VAV3: variants seen among roughly 807,000 people sequenced by gnomAD.
VAV3 encodes the protein vav guanine nucleotide exchange factor 3, also known as guanine nucleotide exchange factor VAV3.
Under a neutral mutation model 131.2 loss-of-function variants are expected in VAV3, and 94 were observed. The observed-to-expected ratio is 0.72, with a 90% CI of 0.61 to 0.85. The LOEUF is 0.85. VAV3 is among the 40% of genes least tolerant of loss of function. The pLI, the probability that VAV3 is intolerant of heterozygous loss-of-function variation, is 0.00. For missense variants in VAV3, 939 were observed against 1,002.7 expected, an observed-to-expected ratio of 0.94 and a Z score of 0.86; for synonymous variants, 349 against 342.0, an observed-to-expected ratio of 1.02 and a Z score of -0.22.
At position 107,642,744 on chromosome 1, in the gene VAV3, T is replaced by C; in HGVS notation, c.1789A>G (p.Met597Val). The C allele has an allele frequency of 6.2e-7, 1 of 1,613,370 alleles. No homozygotes were observed. Among genetic ancestry groups the C allele is most frequent in the Non-Finnish European group, 8.5e-7 (1 of 1,179,566 alleles). The change falls in exon 20 of 27, where the codon ATG (methionine) becomes GTG (valine). Residue 597 changes from methionine to valine, a missense_variant. Transcript: ENST00000370056. ...CCAGAATAGTTCCTAATGACCTGCA[T>C]CTTTGGTAAACCTGAAAATAAGCCA... ...PKQVDPGLPK[M>V]QVIRNYSGTP...
intron 20 of VAV3, among the ~76,000 whole-genome samples, chr1:107,628,239 T>C (rs114066605): frequency 0.014 from 2,174 of 152,240 alleles, 55 homozygotes; most frequent in African/African-American, 0.05. Context: ...AGCCCTTCAT[T>C]TTTCTATTCA....
chr1:107,916,166 G>A (rs1672611172), intron 1 of VAV3, among the ~76,000 whole-genome samples: 1 of 152,036 alleles, frequency 6.6e-6, no homozygotes, highest in African/African-American at 2.4e-5. Context: ...CATTAAAAGG[G>A]AAGGGGAGTG....
At chr1:107,696,672 T>A (rs1207590257) in intron 17 of VAV3, among the ~76,000 whole-genome samples, 1 of 151,904 alleles carries the variant, frequency 6.6e-6, no homozygotes, top group Non-Finnish European at 1.5e-5. Flanking sequence ...TAAGGGGGGG[T>A]CTGATCTATG....
At chr1:107,940,962 T>C (rs2101266239) in intron 1 of VAV3, among the ~76,000 whole-genome samples, 1 of 150,100 alleles carries the variant, frequency 6.7e-6, no homozygotes, top group African/African-American at 2.5e-5. Flanking sequence ...GTTAAAATGG[T>C]AAGTTTTATA....
At chr1:107,701,932 C>T (rs184092624) in intron 17 of VAV3, among the ~76,000 whole-genome samples, 216 of 152,310 alleles carry the variant, frequency 1.4e-3, no homozygotes, top group African/African-American at 5.1e-3. Context: ...CCACATCTTC[C>T]TGTCTTCTTC....
At chr1:107,892,617 C>CA (rs56357831) in intron 1 of VAV3, among the ~76,000 whole-genome samples, 130,691 of 150,964 alleles carry the variant, frequency 0.87, 56,892 homozygotes, top group African/African-American at 0.96. Flanking sequence ...AAATTAGTTA[C>CA]AAAAAAAAAT....
At chr1:107,617,050 T>C (rs575700260) in intron 21 of VAV3, among the ~76,000 whole-genome samples, 1 of 152,338 alleles carries the variant, frequency 6.6e-6, no homozygotes, top group South Asian at 2.1e-4. Flanking sequence ...TTTATTCTCC[T>C]TTTATCTGTG....
At chr1:107,591,079 T>C (rs1172531522) in intron 25 of VAV3, among the ~76,000 whole-genome samples, 1 of 152,204 alleles carries the variant, frequency 6.6e-6, no homozygotes, top group Non-Finnish European at 1.5e-5. Context: ...CTAATGCTTA[T>C]GAACCTTCAC....
chr1:107,665,252 G>C (rs1317691623), intron 19 of VAV3, among the ~76,000 whole-genome samples: 1 of 152,028 alleles, frequency 6.6e-6, no homozygotes, highest in Admixed American at 6.6e-5. Flanking sequence ...TAGATTGTGG[G>C]AAAATATGGG....
intron 2 of VAV3, among the ~76,000 whole-genome samples, chr1:107,823,036 T>C (rs1182555083): frequency 1.3e-5 from 2 of 152,128 alleles, no homozygotes; most frequent in Non-Finnish European, 2.9e-5. Flanking sequence ...ACTGTGGGAA[T>C]GGATATTCAG....
chr1:107,653,558 T>C (rs1019220716), intron 19 of VAV3, among the ~76,000 whole-genome samples: 5 of 152,070 alleles, frequency 3.3e-5, no homozygotes, highest in African/African-American at 1.2e-4. Context: ...CCTCCCTTAT[T>C]TTTATTTGAA....
chr1:107,722,699 G>A (rs982054169), intron 15 of VAV3, among the ~76,000 whole-genome samples: 1 of 152,122 alleles, frequency 6.6e-6, no homozygotes, highest in Non-Finnish European at 1.5e-5. Flanking sequence ...CATGGCATGA[G>A]GTGAGGTTCT....
chr1:107,592,509 C>A (rs939341239), intron 25 of VAV3, among the ~76,000 whole-genome samples: 1 of 152,094 alleles, frequency 6.6e-6, no homozygotes, highest in Non-Finnish European at 1.5e-5. Flanking sequence ...CAACTCTACT[C>A]TGTGGCCCAA....
chr1:107,817,952 C>T (rs1267403502), intron 2 of VAV3, among the ~76,000 whole-genome samples: 1 of 152,114 alleles, frequency 6.6e-6, no homozygotes, highest in African/African-American at 2.4e-5. Flanking sequence ...AGACTAATTC[C>T]CCAAAGGCCA....
chr1:107,749,733 G>C (rs1481153750), intron 13 of VAV3, 139 bp from the exon 14 acceptor site: 26 of 930,648 alleles, frequency 2.8e-5, no homozygotes, highest in Non-Finnish European at 4.1e-5. Flanking sequence ...AAACAACGGG[G>C]TATTTGAGGT....
chr1:107,929,287 CAA>C (rs372843076), intron 1 of VAV3, among the ~76,000 whole-genome samples: 10 of 92,532 alleles, frequency 1.1e-4, no homozygotes, highest in Admixed American at 1.3e-4. Context: ...CACTCTGTCT[CAA>C]AAAAAAAAAA....
At chr1:107,931,499 G>A (rs1486922187) in intron 1 of VAV3, among the ~76,000 whole-genome samples, 1 of 152,184 alleles carries the variant, frequency 6.6e-6, no homozygotes, top group African/African-American at 2.4e-5. Flanking sequence ...GTTGAATCCA[G>A]GTGATGGGTA....
At chr1:107,657,515 A>G (rs912931362) in intron 19 of VAV3, among the ~76,000 whole-genome samples, 2 of 152,240 alleles carry the variant, frequency 1.3e-5, no homozygotes, top group East Asian at 3.8e-4. Flanking sequence ...TGTTATACAC[A>G]GGAACTTAAT....
In VAV3 at chr1:107,964,749, C is replaced by A. The variant is rs1675342961; in HGVS notation, c.121G>T (p.Val41Phe). The A allele has an allele frequency of 1.9e-6, 3 of 1,614,144 alleles. No individual in the cohort carries two copies. Among genetic ancestry groups the A allele is most frequent in the Non-Finnish European group, 2.5e-6 (3 of 1,180,030 alleles). The change falls in exon 1 of 27, where the codon GTC becomes TTC. Residue 41 changes from valine (V) to phenylalanine (F), a missense_variant. Coordinates refer to ENST00000370056, the MANE Select transcript of VAV3 (RefSeq NM_006113.5). ...FDLAQTLRDG[V>F]LLCQLLNNLR... ...TTGTTAAGCAGCTGGCAGAGCAGGA[C>A]TCCATCGCGGAGGGTCTGCGCAAGG...
Sources: gnomAD v4.1 joint callset for allele counts (sites outside exome capture counted in the v4.1 genomes callset) on GRCh38, gnomAD v4.1.1 for gene constraint, MANE v1.5 for transcripts, NCBI Gene and HGNC (gene_info 2026-07-23, HGNC 2026-07-21) for gene names.